CNOT1: variants seen among roughly 807,000 people sequenced by gnomAD.
CNOT1 encodes the protein CCR4-NOT transcription complex subunit 1.
Under a neutral mutation model 273.8 loss-of-function variants are expected in CNOT1, and 15 were observed. The ratio of observed to expected loss-of-function variants is 0.05; its 90% CI spans 0.04 to 0.08. The LOEUF (loss-of-function observed/expected upper bound fraction) is 0.08, where lower values mean the gene tolerates loss of function less well. CNOT1 is among the 10% of genes least tolerant of loss of function. The probability of loss-of-function intolerance (pLI) is 1.00; values close to 1 mark genes in which losing one functional copy is unlikely to be tolerated. For synonymous variants in CNOT1, 1,022 were observed against 1,005.5 expected (o/e 1.02, Z -0.31); for missense variants, 1,644 against 2,912.2 (o/e 0.56, Z 10.02).
chr16:58,587,169 A>G, intron 6 of CNOT1, 32 bp downstream of exon 6: 1 of 1,606,560 alleles, frequency 6.2e-7, no homozygotes. Flanking sequence ...TTAAAGTCTC[A>G]CTTCGTGATA....
chr16:58,539,084 C>A (rs1379797979), intron 35 of CNOT1, among the ~76,000 whole-genome samples, 170 bp from the exon 36 acceptor site: 2 of 151,708 alleles, frequency 1.3e-5, no homozygotes, highest in Admixed American at 1.3e-4. Context: ...ACTCTAAATT[C>A]TATCTGATTT....
At chr16:58,532,110 C>A in intron 41 of CNOT1, 35 bp from the exon 42 acceptor site, 1 of 1,613,284 alleles carries the variant, frequency 6.2e-7, no homozygotes, top group Non-Finnish European at 8.5e-7. Context: ...GAAGCACAGT[C>A]CAACTTAAAT....
In CNOT1 at chr16:58,587,808, G is replaced by A. The variant is rs1236305946; in HGVS notation, c.281C>T (p.Ala94Val). 1 of 1,613,810 alleles carries A rather than the reference G, an allele frequency of 6.2e-7. No individual in the cohort carries two copies. The highest frequency in any genetic ancestry group is 8.5e-7 in the Non-Finnish European group (1 of 1,179,994). ...CTGATAGTGCAATGGATTATCAATG[G>A]CATAGGACAGCGTCGAGATAAAATT... ...KPNFISTLSY[A>V]IDNPLHYQKS... Residue 94 changes from alanine to valine, a missense_variant, in exon 4 of 49, where the codon GCC (alanine) becomes GTC (valine). By Grantham distance (64) the Ala-to-Val change is moderately conservative (BLOSUM62 0). Around this residue, in one of 13 missense-constraint regions of CNOT1, gnomAD observed 706 missense variants for 1,021.2 expected, o/e 0.69. Coordinates refer to ENST00000317147, the MANE Select transcript of CNOT1 (RefSeq NM_016284.5).
chr16:58,587,508 G>A, intron 4 of CNOT1, 95 bp from the exon 5 acceptor site: 1 of 1,528,488 alleles, frequency 6.5e-7, no homozygotes, highest in Non-Finnish European at 8.9e-7. Context: ...CACTACATAG[G>A]AGTTGCTTAA....
At chr16:58,602,671 T>C (rs940389307) in intron 1 of CNOT1, among the ~76,000 whole-genome samples, 53 of 150,748 alleles carry the variant, frequency 3.5e-4, no homozygotes, top group African/African-American at 1.2e-3. Flanking sequence ...GTGGAGGTTG[T>C]AGTGAGCTGA....
intron 24 of CNOT1, 94 bp from the exon 25 acceptor site, chr16:58,549,992 T>C (rs1823985617): frequency 6.5e-7 from 1 of 1,537,252 alleles, no homozygotes; most frequent in African/African-American, 1.4e-5. Context: ...ACATGGCTCC[T>C]TGCAAAACTA....
At chr16:58,555,684 A>C in intron 20 of CNOT1, 100 bp downstream of exon 20, 2 of 1,570,690 alleles carry the variant, frequency 1.3e-6, no homozygotes, top group African/African-American at 2.7e-5. Flanking sequence ...ACAAACCGCT[A>C]TATCAGGGCA....
intron 40 of CNOT1, chr16:58,532,756 G>A (rs2039809632): frequency 5.3e-6 from 1 of 188,018 alleles, no homozygotes; most frequent in African/African-American, 2.3e-5. Flanking sequence ...ATGTGGGAAT[G>A]ATTTACTCCT....
chr16:58,574,955 A>G, intron 15 of CNOT1, 52 bp downstream of exon 15: 1 of 1,602,770 alleles, frequency 6.2e-7, no homozygotes, highest in South Asian at 1.1e-5. Context: ...CTTGATAGCC[A>G]TTTTAGCCAC....
intron 1 of CNOT1, among the ~76,000 whole-genome samples, chr16:58,624,119 C>G (rs900539107): frequency 1.3e-5 from 2 of 152,168 alleles, no homozygotes; most frequent in African/African-American, 4.8e-5. Flanking sequence ...GGTAAAACCA[C>G]CTGGGACTTG....
Position 58,581,474 on chromosome 16 carries a change from G to A in CNOT1, c.1086C>T (p.Asp362=). Residue 362 remains aspartate, a synonymous_variant, in exon 11 of 49, where the codon GAC becomes GAT. Transcript: ENST00000317147. ...LNFKEVTYEL[D]HPGFQIRDSK... is the part of the protein sequence containing the mutation. ...TGTCACGAATTTGAAATCCAGGATG[G>A]TCCAGTTCATAAGTTACTTCCTTGA... 2 of 1,613,364 alleles carry A rather than the reference G, an allele frequency of 1.2e-6. No individual in the cohort carries two copies. Among genetic ancestry groups the A allele is most frequent in the Admixed American group, 3.3e-5 (2 of 59,862 alleles).
At chr16:58,521,491 G>A (rs1211942159) in intron 47 of CNOT1, among the ~76,000 whole-genome samples, 174 bp from the exon 48 acceptor site, 2 of 152,198 alleles carry the variant, frequency 1.3e-5, no homozygotes, top group South Asian at 2.1e-4. Flanking sequence ...TGGAATACCT[G>A]GGTTTGAACC....
chr16:58,599,595 C>T, intron 1 of CNOT1, 84 bp from the exon 2 acceptor site: 1 of 492,646 alleles, frequency 2.0e-6, no homozygotes, highest in Non-Finnish European at 3.6e-6. Flanking sequence ...GTGGTGTTTA[C>T]AACTAATTGA....
chr16:58,569,218 G>A (rs949109006), intron 16 of CNOT1, among the ~76,000 whole-genome samples: 2 of 152,196 alleles, frequency 1.3e-5, no homozygotes, highest in East Asian at 3.9e-4. Context: ...CATCTCCTGG[G>A]TTCAAGCAAT....
rs1348922659 is a variant in CNOT1, at chr16:58,520,792, G to A, written c.*166C>T. 11 of 651,006 alleles carry A rather than the reference G, an allele frequency of 1.7e-5. No individual in the cohort carries two copies. Among genetic ancestry groups the A allele is most frequent in the South Asian group, 1.5e-4 (7 of 47,244 alleles). The allele number at this position is 651,006 out of a possible 1,614,324, so 40.3% of individuals were successfully genotyped here. ...AAAAAATGCATTTAAACTTTGGAAC[G>A]TGCCCACATAAGACAGGAGGCTGAT... On this transcript the variant is annotated 3_prime_UTR_variant, in exon 49 of 49. Coordinates refer to ENST00000317147, the MANE Select transcript of CNOT1 (RefSeq NM_016284.5).
Position 58,582,887 on chromosome 16 carries a change from C to A in CNOT1, c.950G>T (p.Gly317Val). The stretch of plus-strand genomic sequence containing the variant: ...TTTCCCATCACTCCAGATCCCACTG[C>A]CCGGAGCAGAAATACTCTGTAGAAG... ...GIPLQSISAPGSGIWSDGKDK... is the reference protein window; with the variant it reads ...GIPLQSISAPVSGIWSDGKDK... The change falls in exon 10 of 49, where the codon GGC becomes GTC. Residue 317 changes from glycine to valine, a missense_variant. Gly to Val is a moderately radical substitution (Grantham distance 109). Coordinates refer to ENST00000317147, the MANE Select transcript of CNOT1 (RefSeq NM_016284.5). The A allele has an allele frequency of 6.2e-7, 1 of 1,611,716 alleles. No individual in the cohort carries two copies. The highest frequency in any genetic ancestry group is 8.5e-7 in the Non-Finnish European group (1 of 1,177,904).
At position 58,546,700 on chromosome 16, in the gene CNOT1, G is replaced by C. The variant is rs772746539; in HGVS notation, c.3800C>G (p.Ala1267Gly). 1.8e-5 allele frequency: 29 copies of C among 1,613,826 alleles called. No individual in the cohort carries two copies. The highest frequency in any genetic ancestry group is 2.3e-5 in the Non-Finnish European group (27 of 1,179,928). ...PWTMAIMNVL[A>G]ELHQEHDLKL... is the part of the protein sequence containing the mutation. Reference sequence around the variant, plus strand: ...TAAGTCATGCTCCTGATGTAGCTCAGCTAATACATTCATAATTGCCATTGT... The same window carrying C: ...TAAGTCATGCTCCTGATGTAGCTCACCTAATACATTCATAATTGCCATTGT... The change falls in exon 28 of 49, where the codon GCT (alanine) becomes GGT (glycine). Residue 1267 changes from alanine (A) to glycine (G), a missense_variant. Ala to Gly is a moderately conservative substitution (Grantham distance 60, BLOSUM62 0). Coordinates refer to ENST00000317147, the MANE Select transcript of CNOT1 (RefSeq NM_016284.5).
chr16:58,537,314 CCA>C (rs1389652835), intron 38 of CNOT1, 94 bp from the exon 39 acceptor site: 14 of 1,486,230 alleles, frequency 9.4e-6, no homozygotes, highest in Middle Eastern at 2.1e-4. Flanking sequence ...ACAGCAACCA[CCA>C]GAGTGGTTTA....
intron 2 of CNOT1, among the ~76,000 whole-genome samples, chr16:58,595,967 A>G (rs2042236096): frequency 1.3e-5 from 2 of 152,248 alleles, no homozygotes; most frequent in African/African-American, 4.8e-5. Context: ...ATCCACAGAA[A>G]GGTATCAAAG....
Sources: gnomAD v4.1 joint callset for allele counts (sites outside exome capture counted in the v4.1 genomes callset) on GRCh38, gnomAD v4.1.1 for gene constraint, gnomAD v4.1.1 regional missense constraint, MANE v1.5 for transcripts, NCBI Gene and HGNC (gene_info 2026-07-23, HGNC 2026-07-21) for gene names.